Variants in FRMD4A observed in about 807,000 individuals in gnomAD.
FRMD4A encodes the protein FERM domain-containing protein 4A.
A neutral mutation model predicts 129.1 loss-of-function variants in FRMD4A; 29 were observed. That is an observed-to-expected ratio of 0.22 (90% confidence interval 0.17 to 0.31). The LOEUF is 0.31. FRMD4A is among the 10% of genes least tolerant of loss of function. The pLI, the probability that FRMD4A is intolerant of heterozygous loss-of-function variation, is 1.00. For missense variants in FRMD4A, 1,272 were observed against 1,375.8 expected (o/e 0.92, Z 1.19); for synonymous variants, 634 against 571.6 (o/e 1.11, Z -1.56).
intron 12 of FRMD4A, among the ~76,000 whole-genome samples, chr10:13,713,520 G>A (rs973422749): frequency 1.3e-5 from 2 of 152,062 alleles, no homozygotes; most frequent in African/African-American, 4.8e-5. Context: ...TTCTAGAGCA[G>A]ACTGGCACTT....
intron 2 of FRMD4A, among the ~76,000 whole-genome samples, chr10:14,024,838 A>G (rs909742100): frequency 2.0e-5 from 3 of 152,210 alleles, no homozygotes; most frequent in Non-Finnish European, 4.4e-5. Flanking sequence ...TGACTCTGAT[A>G]TTTATAGGGC....
intron 2 of FRMD4A, among the ~76,000 whole-genome samples, chr10:14,138,391 C>A (rs1448179423): frequency 1.3e-5 from 2 of 152,156 alleles, no homozygotes; most frequent in African/African-American, 4.8e-5. Context: ...GGTTTGATGG[C>A]AATGATAGCA....
intron 17 of FRMD4A, among the ~76,000 whole-genome samples, chr10:13,668,794 T>C (rs147860538): frequency 0.012 from 1,827 of 152,200 alleles, 36 homozygotes; most frequent in African/African-American, 0.041. Context: ...TTGAAGTTCC[T>C]CCCTAGAGTG....
chr10:13,751,649 A>G (rs1440404080), intron 8 of FRMD4A, among the ~76,000 whole-genome samples: 2 of 152,220 alleles, frequency 1.3e-5, no homozygotes, highest in Non-Finnish European at 2.9e-5. Flanking sequence ...AGTTCATGAC[A>G]TATGATAAAT....
chr10:14,285,052 C>A (rs1027211085), intron 2 of FRMD4A, among the ~76,000 whole-genome samples: 1 of 152,194 alleles, frequency 6.6e-6, no homozygotes, highest in African/African-American at 2.4e-5. Context: ...ACACTTTCAA[C>A]GTGCTGATTT....
At chr10:13,684,942 G>A in intron 15 of FRMD4A, 1 of 984,760 alleles carries the variant, frequency 1.0e-6, no homozygotes, top group African/African-American at 1.7e-5. Context: ...AAAAGTTTTG[G>A]CAGACATCCC....
intron 2 of FRMD4A, among the ~76,000 whole-genome samples, chr10:13,971,149 C>T (rs1414220475): frequency 6.6e-6 from 1 of 152,076 alleles, no homozygotes; most frequent in Non-Finnish European, 1.5e-5. Context: ...CACACACATG[C>T]ATGCATACTC....
At chr10:13,816,599 G>A (rs2093547536) in intron 3 of FRMD4A, among the ~76,000 whole-genome samples, 1 of 152,326 alleles carries the variant, frequency 6.6e-6, no homozygotes, top group Middle Eastern at 3.4e-3. Context: ...CCCCGCTGAT[G>A]TGACAGTGAT....
At chr10:14,087,918 C>CAAT (rs1836389889) in intron 2 of FRMD4A, among the ~76,000 whole-genome samples, 1 of 152,156 alleles carries the variant, frequency 6.6e-6, no homozygotes, top group African/African-American at 2.4e-5. Flanking sequence ...GGTCATGTTG[C>CAAT]AGCGGCTTCT....
At chr10:13,819,569 G>A (rs1488037939) in intron 3 of FRMD4A, among the ~76,000 whole-genome samples, 1 of 152,134 alleles carries the variant, frequency 6.6e-6, no homozygotes, top group Non-Finnish European at 1.5e-5. Context: ...AGGTTGAATG[G>A]TGGTCCCCAA....
At chr10:14,168,362 C>T (rs1841301347) in intron 2 of FRMD4A, among the ~76,000 whole-genome samples, 1 of 152,214 alleles carries the variant, frequency 6.6e-6, no homozygotes, top group Non-Finnish European at 1.5e-5. Context: ...CTCTAATTGA[C>T]AGGATACCTT....
rs537929994 is a variant in FRMD4A at position 14,233,509 on chromosome 10, G to C, written c.45+96549C>G. 3.2e-4 allele frequency among the ~76,000 whole-genome samples: 48 copies of C among 152,348 alleles called. 1 individual carries two copies. The highest frequency in any genetic ancestry group is 9.9e-4 in the African/African-American group (41 of 41,580). On this transcript the variant is annotated intron_variant, in intron 2 of 24. Transcript: ENST00000357447. ...GAATCACTTGAACTCAGGAGGTGGA[G>C]TTTGCAGTGAGCCGAGATTGTGCCA...
At chr10:14,192,014 A>G (rs1174175978) in intron 2 of FRMD4A, among the ~76,000 whole-genome samples, 1 of 152,058 alleles carries the variant, frequency 6.6e-6, no homozygotes, top group Non-Finnish European at 1.5e-5. Flanking sequence ...TTTAACCTCC[A>G]CTGGTCTTAA....
At chr10:13,817,335 G>A (rs778020844) in intron 3 of FRMD4A, among the ~76,000 whole-genome samples, 1 of 152,188 alleles carries the variant, frequency 6.6e-6, no homozygotes, top group Non-Finnish European at 1.5e-5. Context: ...AACTGTTCAC[G>A]TTCCCAGCAT....
At chr10:13,786,380 G>T (rs1171023123) in intron 5 of FRMD4A, among the ~76,000 whole-genome samples, 6 of 152,076 alleles carry the variant, frequency 3.9e-5, no homozygotes, top group Admixed American at 3.9e-4. Context: ...CAAGATGTGT[G>T]GATCAACTGA....
chr10:13,906,080 C>T (rs2131210073), intron 2 of FRMD4A, among the ~76,000 whole-genome samples: 1 of 152,288 alleles, frequency 6.6e-6, no homozygotes, highest in African/African-American at 2.4e-5. Flanking sequence ...CCTCTGCAGC[C>T]CCCAGTCTGG....
rs139974230 is a variant in FRMD4A, at chr10:13,764,735, T to C, written c.385-2055A>G. On this transcript the variant is annotated intron_variant, in intron 6 of 24. Coordinates refer to ENST00000357447, the MANE Select transcript of FRMD4A (RefSeq NM_018027.5). ...GTCTGGTGTCAAGCTTAAGCACAAA[T>C]ATCCATTTTATTTTTCTTTCCCTAG... Among the ~76,000 whole-genome samples the C allele has an allele frequency of 1.3e-3, 203 of 152,234 alleles. 4 individuals are homozygous for C. The highest frequency in any genetic ancestry group is 4.6e-3 in the African/African-American group (190 of 41,528).
At chr10:14,288,653 T>C (rs1203241822) in intron 2 of FRMD4A, among the ~76,000 whole-genome samples, 1 of 152,218 alleles carries the variant, frequency 6.6e-6, no homozygotes, top group African/African-American at 2.4e-5. Flanking sequence ...AATTTTTAAG[T>C]GCACAATATT....
chr10:13,699,328 C>T (rs35390352), intron 14 of FRMD4A, among the ~76,000 whole-genome samples: 19,948 of 149,616 alleles, frequency 0.13, 1,656 homozygotes, highest in Non-Finnish European at 0.18. Flanking sequence ...CTGCTCTCCT[C>T]GGCTTCCCAA....
Sources: allele counts gnomAD v4.1 joint callset (sites outside exome capture counted in the v4.1 genomes callset), GRCh38; gene constraint gnomAD v4.1.1; transcripts MANE v1.5; gene names NCBI Gene and HGNC (gene_info 2026-07-23, HGNC 2026-07-21).